CFAP299: variants seen among roughly 807,000 people sequenced by gnomAD.
The protein encoded by CFAP299 is cilia- and flagella-associated protein 299.
A neutral mutation model predicts 27.0 loss-of-function variants in CFAP299; 21 were observed. The ratio of observed to expected loss-of-function variants is 0.78; its 90% confidence interval spans 0.55 to 1.12. The LOEUF (loss-of-function observed/expected upper bound fraction) is 1.12. Among genes scored for constraint, CFAP299 ranks in the 50% most tolerant of loss-of-function variants. The pLI, the probability that CFAP299 is intolerant of heterozygous loss-of-function variation, is 0.00. For synonymous variants in CFAP299, 104 were observed against 98.1 expected (o/e 1.06, Z -0.36); for missense variants, 310 against 276.6 (o/e 1.12, Z -0.86).
intron 4 of CFAP299, among the ~76,000 whole-genome samples, chr4:80,910,256 G>C (rs1735400660): frequency 6.6e-6 from 1 of 152,126 alleles, no homozygotes. Flanking sequence ...TTCAACCATT[G>C]TGGAAAAGAG....
intron 4 of CFAP299, among the ~76,000 whole-genome samples, chr4:80,929,407 C>T (rs532999761): frequency 3.0e-4 from 46 of 152,010 alleles, no homozygotes; most frequent in African/African-American, 1.0e-3. Context: ...TCTGTGGCAC[C>T]ACTATCCATC....
intron 2 of CFAP299, among the ~76,000 whole-genome samples, chr4:80,515,023 C>A (rs1359909002): frequency 1.3e-5 from 2 of 152,058 alleles, no homozygotes; most frequent in African/African-American, 2.4e-5. Flanking sequence ...CCTGGCGATG[C>A]AAACTCCTTT....
At chr4:80,761,073 A>G (rs1165340358) in intron 3 of CFAP299, among the ~76,000 whole-genome samples, 4 of 152,184 alleles carry the variant, frequency 2.6e-5, no homozygotes, top group Admixed American at 6.5e-5. Context: ...TCCTGCTCCA[A>G]TACTCATTTT....
intron 3 of CFAP299, among the ~76,000 whole-genome samples, chr4:80,598,850 C>A (rs1737187489): frequency 6.6e-6 from 1 of 152,182 alleles, no homozygotes; most frequent in Non-Finnish European, 1.5e-5. Context: ...TAAGAGAATA[C>A]ACCTTTCTCT....
intron 3 of CFAP299, among the ~76,000 whole-genome samples, chr4:80,865,578 C>G (rs1457534494): frequency 6.6e-6 from 1 of 151,982 alleles, no homozygotes; most frequent in African/African-American, 2.4e-5. Flanking sequence ...CTAATAATTC[C>G]AATCGGATTT....
intron 3 of CFAP299, among the ~76,000 whole-genome samples, chr4:80,800,381 A>G (rs1288988297): frequency 1.7e-4 from 11 of 66,444 alleles, no homozygotes; most frequent in African/African-American, 8.7e-4. Context: ...TATATATAAT[A>G]TATAATATAT....
intron 1 of CFAP299, among the ~76,000 whole-genome samples, chr4:80,358,789 C>T (rs993567993): frequency 1.3e-5 from 2 of 152,098 alleles, no homozygotes; most frequent in Non-Finnish European, 2.9e-5. Flanking sequence ...CACTCTATGT[C>T]TTCTAATCGG....
intron 3 of CFAP299, among the ~76,000 whole-genome samples, chr4:80,726,069 T>G (rs2110050409): frequency 6.6e-6 from 1 of 152,350 alleles, no homozygotes; most frequent in Middle Eastern, 3.4e-3. Context: ...GTCAACAATC[T>G]ATTTTATATC....
At chr4:80,483,419 A>G (rs1278327315) in intron 2 of CFAP299, among the ~76,000 whole-genome samples, 1 of 152,204 alleles carries the variant, frequency 6.6e-6, no homozygotes, top group Non-Finnish European at 1.5e-5. Context: ...CATGAATTGT[A>G]TTGATGATTT....
intron 2 of CFAP299, among the ~76,000 whole-genome samples, chr4:80,435,825 G>A (rs1333707549): frequency 2.6e-5 from 4 of 152,118 alleles, no homozygotes; most frequent in Non-Finnish European, 5.9e-5. Flanking sequence ...TTGCTCATGA[G>A]GGGCAGTTTA....
At chr4:80,669,242 C>A (rs1406293287) in intron 3 of CFAP299, among the ~76,000 whole-genome samples, 3 of 140,072 alleles carry the variant, frequency 2.1e-5, no homozygotes, top group African/African-American at 5.2e-5. Flanking sequence ...TTCAATGCAA[C>A]CCCCACCTCC....
At chr4:80,626,114 A>G (rs1014720423) in intron 3 of CFAP299, among the ~76,000 whole-genome samples, 1 of 151,984 alleles carries the variant, frequency 6.6e-6, no homozygotes, top group Non-Finnish European at 1.5e-5. Context: ...CACATGGAAC[A>G]TTCTCTAGGA....
intron 2 of CFAP299, among the ~76,000 whole-genome samples, chr4:80,535,766 TA>T (rs1733712316): frequency 6.6e-6 from 1 of 152,310 alleles, no homozygotes; most frequent in African/African-American, 2.4e-5. Flanking sequence ...GGCAATTAAG[TA>T]AAAATAGCTT....
At chr4:80,936,134 C>T (rs921344643) in intron 4 of CFAP299, among the ~76,000 whole-genome samples, 5 of 152,060 alleles carry the variant, frequency 3.3e-5, no homozygotes, top group African/African-American at 1.2e-4. Flanking sequence ...TTGCATCAAC[C>T]TATCAAAGAT....
intron 4 of CFAP299, among the ~76,000 whole-genome samples, chr4:80,933,639 T>C (rs1736743632): frequency 1.3e-5 from 2 of 152,126 alleles, no homozygotes; most frequent in Admixed American, 6.6e-5. Flanking sequence ...TTTTAGTGTA[T>C]ATATCTTTCA....
chr4:80,411,823 AGAG>A (rs1726735721), intron 2 of CFAP299, among the ~76,000 whole-genome samples: 1 of 152,132 alleles, frequency 6.6e-6, no homozygotes, highest in East Asian at 1.9e-4. Flanking sequence ...TTCATAATAA[AGAG>A]GATGAGAGAA....
At chr4:80,616,848 C>G (rs749275934) in intron 3 of CFAP299, among the ~76,000 whole-genome samples, 1 of 151,972 alleles carries the variant, frequency 6.6e-6, no homozygotes, top group Non-Finnish European at 1.5e-5. Context: ...TACATATGTA[C>G]ATTTTATACA....
At chr4:80,416,899 G>T (rs552024115) in intron 2 of CFAP299, among the ~76,000 whole-genome samples, 41 of 152,260 alleles carry the variant, frequency 2.7e-4, no homozygotes, top group African/African-American at 9.4e-4. Flanking sequence ...AGGGGTTCTT[G>T]GATCTCATGC....
rs144148803 is a variant in CFAP299 at position 80,450,576 on chromosome 4, C to T, written c.242+87692C>T. 3.8e-3 allele frequency among the ~76,000 whole-genome samples: 574 copies of T among 151,904 alleles called. 3 individuals are homozygous for T. The highest frequency in any genetic ancestry group is 0.013 in the African/African-American group (542 of 41,432). On this transcript the variant is annotated intron_variant, in intron 2 of 5. Coordinates refer to ENST00000358105, the MANE Select transcript of CFAP299 (RefSeq NM_152770.3). ...TAAAAATACTAAATATCTTTGTGCA[C>T]TGATGGTTAGGTTAGTTTAGGTTGC...
Sources: allele counts gnomAD v4.1 joint callset (sites outside exome capture counted in the v4.1 genomes callset), GRCh38; gene constraint gnomAD v4.1.1; transcripts MANE v1.5; gene names NCBI Gene and HGNC (gene_info 2026-07-23, HGNC 2026-07-21).